ERC2: variants seen among roughly 807,000 people sequenced by gnomAD.
ERC2 encodes the protein ERC protein 2.
A neutral mutation model predicts 114.8 loss-of-function variants in ERC2; 42 were observed. The observed-to-expected ratio is 0.37, with a 90% confidence interval of 0.29 to 0.47. The LOEUF is 0.47. ERC2 is among the 20% of genes least tolerant of loss of function. The probability of loss-of-function intolerance (pLI) is 0.99; values close to 1 mark genes in which losing one functional copy is unlikely to be tolerated. For synonymous variants in ERC2, 454 were observed against 425.5 expected, an observed-to-expected ratio of 1.07 and a Z score of -0.82; for missense variants, 939 against 1,150.7, an observed-to-expected ratio of 0.82 and a Z score of 2.66.
intron 12 of ERC2, among the ~76,000 whole-genome samples, chr3:55,980,746 A>G (rs886128037): frequency 6.0e-5 from 9 of 149,300 alleles, no homozygotes; most frequent in Non-Finnish European, 1.0e-4. Flanking sequence ...AAAAGGTTTT[A>G]GAAAAAAAAA....
At chr3:56,116,768 T>C (rs1347846618) in intron 6 of ERC2, among the ~76,000 whole-genome samples, 3 of 152,176 alleles carry the variant, frequency 2.0e-5, no homozygotes, top group African/African-American at 7.2e-5. Context: ...GGGGCCTTCC[T>C]ACATGCTCCA....
At chr3:55,899,331 T>C (rs1336305879) in intron 13 of ERC2, among the ~76,000 whole-genome samples, 2 of 152,198 alleles carry the variant, frequency 1.3e-5, no homozygotes, top group Non-Finnish European at 1.5e-5. Flanking sequence ...GAATTTACTC[T>C]AAGGATATAA....
chr3:55,940,834 C>A (rs2066740484), intron 13 of ERC2, among the ~76,000 whole-genome samples: 1 of 152,118 alleles, frequency 6.6e-6, no homozygotes. Flanking sequence ...ATGCAAAACC[C>A]CGTTACCCAA....
chr3:56,117,264 T>C (rs559098854), intron 6 of ERC2, among the ~76,000 whole-genome samples: 3 of 152,186 alleles, frequency 2.0e-5, no homozygotes, highest in Non-Finnish European at 2.9e-5. Flanking sequence ...GAATAAATAA[T>C]TCTAGTCATG....
intron 13 of ERC2, among the ~76,000 whole-genome samples, chr3:55,917,688 C>A (rs1422670015): frequency 6.6e-6 from 1 of 152,082 alleles, no homozygotes; most frequent in Non-Finnish European, 1.5e-5. Context: ...ACAGAGTTTC[C>A]TTTTGAGGTA....
chr3:56,227,604 C>T (rs933842632), intron 3 of ERC2, among the ~76,000 whole-genome samples: 1 of 152,084 alleles, frequency 6.6e-6, no homozygotes, highest in African/African-American at 2.4e-5. Context: ...AACTAGTTTT[C>T]CACCCTACTC....
At chr3:56,211,529 G>T (rs1239951217) in intron 3 of ERC2, among the ~76,000 whole-genome samples, 1 of 151,896 alleles carries the variant, frequency 6.6e-6, no homozygotes, top group Non-Finnish European at 1.5e-5. Context: ...CTACACAATA[G>T]CAATCTACAA....
chr3:56,269,912 G>A (rs1424658749), intron 3 of ERC2, among the ~76,000 whole-genome samples: 1 of 152,068 alleles, frequency 6.6e-6, no homozygotes, highest in Non-Finnish European at 1.5e-5. Context: ...ATAAAAAAAA[G>A]CTCCTTTTTC....
intron 15 of ERC2, among the ~76,000 whole-genome samples, chr3:55,733,773 T>A (rs967048360): frequency 6.6e-5 from 10 of 152,134 alleles, no homozygotes; most frequent in Admixed American, 6.5e-4. Flanking sequence ...CAGATCACTC[T>A]AGCAGGCAGA....
At chr3:55,979,702 G>A (rs896123123) in intron 12 of ERC2, among the ~76,000 whole-genome samples, 63 of 151,782 alleles carry the variant, frequency 4.2e-4, no homozygotes, top group African/African-American at 1.5e-3. Context: ...GAGTCTCACT[G>A]TTCTTGGACT....
chr3:55,966,801 A>G (rs1440358130), intron 12 of ERC2, among the ~76,000 whole-genome samples: 1 of 152,204 alleles, frequency 6.6e-6, no homozygotes, highest in Non-Finnish European at 1.5e-5. Flanking sequence ...AAGACTGTTT[A>G]TCCAAAGCTA....
At chr3:56,075,863 A>G (rs1024248292) in intron 7 of ERC2, among the ~76,000 whole-genome samples, 4 of 152,204 alleles carry the variant, frequency 2.6e-5, no homozygotes, top group African/African-American at 9.6e-5. Flanking sequence ...ACTTTACTTC[A>G]ATTTTACACT....
intron 14 of ERC2, among the ~76,000 whole-genome samples, chr3:55,836,675 A>G (rs1410621672): frequency 6.6e-6 from 1 of 152,264 alleles, no homozygotes; most frequent in African/African-American, 2.4e-5. Flanking sequence ...AGGCATTACC[A>G]TTCAGGACAT....
intron 6 of ERC2, among the ~76,000 whole-genome samples, chr3:56,084,742 C>T (rs1395752260): frequency 6.6e-6 from 1 of 151,894 alleles, no homozygotes; most frequent in Non-Finnish European, 1.5e-5. Context: ...TAAAAAACTA[C>T]CTACTGGGTG....
intron 3 of ERC2, among the ~76,000 whole-genome samples, chr3:56,269,121 A>T (rs76059464): frequency 1.3e-5 from 2 of 152,340 alleles, no homozygotes; most frequent in East Asian, 3.8e-4. Context: ...CGTTATAAAC[A>T]TGCAAGATCC....
chr3:55,541,035 G>A (rs2054361895), intron 17 of ERC2, among the ~76,000 whole-genome samples: 1 of 152,108 alleles, frequency 6.6e-6, no homozygotes, highest in Non-Finnish European at 1.5e-5. Flanking sequence ...CTTTGGAAGG[G>A]AATTTCAGAA....
At chr3:56,410,602 T>TG (rs561394055) in intron 2 of ERC2, among the ~76,000 whole-genome samples, 4 of 152,242 alleles carry the variant, frequency 2.6e-5, no homozygotes, top group South Asian at 4.1e-4. Flanking sequence ...TTGAGTTTTC[T>TG]GGGGGGGTTG....
At chr3:56,434,163 G>T in intron 2 of ERC2, 188 bp downstream of exon 2, 4 of 534,386 alleles carry the variant, frequency 7.5e-6, no homozygotes, top group East Asian at 3.2e-5. Context: ...CGGAAAATAA[G>T]GAAATTACAA....
At chr3:55,687,049 A>G (rs1320525716) in intron 16 of ERC2, among the ~76,000 whole-genome samples, 1 of 152,198 alleles carries the variant, frequency 6.6e-6, no homozygotes, top group Non-Finnish European at 1.5e-5. Context: ...CGTGACAGAC[A>G]AGGGGGTCTT....
Sources: allele counts gnomAD v4.1 joint callset (sites outside exome capture counted in the v4.1 genomes callset), GRCh38; gene constraint gnomAD v4.1.1; transcripts MANE v1.5; gene names NCBI Gene and HGNC (gene_info 2026-07-23, HGNC 2026-07-21).